The following FARP1 variants were observed in gnomAD, a reference collection of about 807,000 sequenced individuals.
The protein encoded by FARP1 is FERM, ARH/RhoGEF and pleckstrin domain protein 1.
A neutral mutation model predicts 128.8 loss-of-function variants in FARP1; 52 were observed. The observed-to-expected ratio is 0.40, with a 90% CI of 0.32 to 0.51. FARP1 has a LOEUF of 0.51. FARP1 is among the 20% of genes least tolerant of loss of function. The pLI is 0.45. For synonymous variants in FARP1, 580 were observed against 551.8 expected (o/e 1.05, Z -0.72); for missense variants, 1,333 against 1,367.9 (o/e 0.97, Z 0.40).
At chr13:98,167,079 A>G (rs1157973501) in intron 1 of FARP1, among the ~76,000 whole-genome samples, 1 of 152,120 alleles carries the variant, frequency 6.6e-6, no homozygotes, top group Non-Finnish European at 1.5e-5. Context: ...TTGTGGTTGA[A>G]TACATTTTCA....
chr13:98,403,756 CA>C (rs1264952842), intron 13 of FARP1: 1 of 152,200 alleles, frequency 6.6e-6, no homozygotes, highest in East Asian at 1.9e-4. Context: ...TCTCCAGTAA[CA>C]ATGAGCTTGG....
chr13:98,173,035 A>G, intron 1 of FARP1, among the ~76,000 whole-genome samples: 1 of 152,218 alleles, frequency 6.6e-6, no homozygotes, highest in Non-Finnish European at 1.5e-5. Context: ...TGCTTCATAA[A>G]TAATAGTAGT....
intron 1 of FARP1, among the ~76,000 whole-genome samples, chr13:98,168,180 A>AT (rs1877410154): frequency 6.6e-6 from 1 of 151,820 alleles, no homozygotes. Context: ...TCAAAAAAAA[A>AT]AAATAAAATA....
At chr13:98,162,452 A>G (rs1229709479) in intron 1 of FARP1, among the ~76,000 whole-genome samples, 1 of 152,160 alleles carries the variant, frequency 6.6e-6, no homozygotes, top group Non-Finnish European at 1.5e-5. Flanking sequence ...AGCTCGGGGC[A>G]TGGCCTGTAG....
At chr13:98,316,753 G>A (rs1387335061) in intron 2 of FARP1, among the ~76,000 whole-genome samples, 1 of 152,188 alleles carries the variant, frequency 6.6e-6, no homozygotes, top group Non-Finnish European at 1.5e-5. Flanking sequence ...AATGAGTCTT[G>A]TCCCCTTCAG....
chr13:98,454,116 A>G lies in FARP1; in HGVS notation c.*5799A>G, dbSNP rs191640855. 2.0e-5 allele frequency: 3 copies of G among 152,356 alleles called. No individual in the cohort carries two copies. The highest frequency in any genetic ancestry group is 7.2e-5 in the African/African-American group (3 of 41,574). The allele number at this position is 152,356 out of a possible 1,614,324, so 9.4% of individuals were successfully genotyped here. A position where few individuals can be genotyped will look rare whatever the true frequency, so the allele number is the denominator to read the frequency against. On this transcript the variant is annotated 3_prime_UTR_variant, in exon 27 of 27. Transcript: ENST00000319562. Reference sequence around the variant, plus strand: ...TGTATCCTAAATTAAGTACTATAGAAATTCTAAAAAATCTTCTTTGCACTA... The same window carrying G: ...TGTATCCTAAATTAAGTACTATAGAGATTCTAAAAAATCTTCTTTGCACTA...
At chr13:98,335,146 C>T (rs1255637985) in intron 2 of FARP1, among the ~76,000 whole-genome samples, 1 of 152,198 alleles carries the variant, frequency 6.6e-6, no homozygotes, top group Admixed American at 6.5e-5. Context: ...TTTGCTAGTT[C>T]CTCTAACATG....
chr13:98,200,387 ACCCCC>A (rs34861204), intron 1 of FARP1, among the ~76,000 whole-genome samples: 1 of 127,538 alleles, frequency 7.8e-6, no homozygotes, highest in African/African-American at 3.1e-5. Context: ...TGCAACCTTC[ACCCCC>A]CCCCCCTCCC....
intron 2 of FARP1, chr13:98,328,932 A>G (rs117901893): frequency 6.6e-5 from 10 of 152,196 alleles, no homozygotes; most frequent in Non-Finnish European, 1.5e-4. Context: ...AAAATTTTCT[A>G]TTTAAAATTG....
At chr13:98,170,767 C>G (rs1037519724) in intron 1 of FARP1, among the ~76,000 whole-genome samples, 1 of 152,188 alleles carries the variant, frequency 6.6e-6, no homozygotes, top group Admixed American at 6.5e-5. Flanking sequence ...GCTGGAATTA[C>G]AGGTGTGAGC....
At chr13:98,406,643 C>G (rs1566297656) in intron 13 of FARP1, 1 of 152,242 alleles carries the variant, frequency 6.6e-6, no homozygotes, top group African/African-American at 2.4e-5. Flanking sequence ...CCCCCAGCAG[C>G]CTGTGGGCTA....
rs534409567 is a variant in FARP1, at chr13:98,213,913, A to G, written c.171+500A>G. ...GCCACGTGTGTTTTCATGTGAGGGA[A>G]TCAGGAGAGCCTGTGCATGCAACCC... On this transcript the variant is annotated intron_variant, in intron 2 of 26. Coordinates refer to ENST00000319562, the MANE Select transcript of FARP1 (RefSeq NM_005766.4). Among the ~76,000 whole-genome samples, 6 of 152,258 alleles carry G rather than the reference A, an allele frequency of 3.9e-5. No individual in the cohort carries two copies. The South Asian group carries it at 1.2e-3, about 32-fold the overall frequency.
Position 98,278,294 on chromosome 13 carries a change from G to GT in FARP1, c.171+64882dup, listed in dbSNP as rs1353833851. ...ATATTTTGTGAATGTGTGTATGTAT[G>GT]TGTGTGTGTGTGAGAGTATACTGCA... On this transcript the variant is annotated intron_variant, in intron 2 of 26. Coordinates refer to ENST00000319562, the MANE Select transcript of FARP1 (RefSeq NM_005766.4). Among the ~76,000 whole-genome samples, 3 of 126,560 alleles carry GT rather than the reference G, an allele frequency of 2.4e-5. No individual in the cohort carries two copies. The East Asian group carries it at 5.8e-4, about 25-fold the overall frequency. The allele number at this position is 126,560 out of a possible 152,430, so 83.0% of individuals were successfully genotyped here. A position where few individuals can be genotyped will look rare whatever the true frequency, so the allele number is the denominator to read the frequency against.
intron 2 of FARP1, chr13:98,338,840 T>C (rs1416930153): frequency 1.3e-5 from 2 of 152,204 alleles, no homozygotes; most frequent in Admixed American, 1.3e-4. Context: ...AGAGAAATGA[T>C]GCTGCAAGCT....
intron 1 of FARP1, among the ~76,000 whole-genome samples, chr13:98,156,078 T>G (rs996225469): frequency 6.6e-6 from 1 of 152,220 alleles, no homozygotes; most frequent in Non-Finnish European, 1.5e-5. Flanking sequence ...CCTCCCATAT[T>G]TTAAAAATAA....
intron 2 of FARP1, among the ~76,000 whole-genome samples, chr13:98,306,200 G>C (rs768027407): frequency 4.6e-5 from 7 of 152,222 alleles, no homozygotes; most frequent in Non-Finnish European, 8.8e-5. Flanking sequence ...GTTGTTGGGA[G>C]ACTGGTGTGA....
intron 6 of FARP1, among the ~76,000 whole-genome samples, chr13:98,382,747 G>A (rs994275146): frequency 3.3e-5 from 5 of 151,292 alleles, no homozygotes; most frequent in African/African-American, 1.2e-4. Flanking sequence ...TTTTTTTCTC[G>A]TACTGTTAAT....
intron 19 of FARP1, among the ~76,000 whole-genome samples, chr13:98,437,078 T>G (rs74111056): frequency 0.012 from 1,817 of 152,302 alleles, 45 homozygotes; most frequent in African/African-American, 0.041. Flanking sequence ...AAATGAGATT[T>G]GCTCTGTGAA....
chr13:98,243,470 T>C (rs1882890464), intron 2 of FARP1, among the ~76,000 whole-genome samples: 1 of 150,394 alleles, frequency 6.6e-6, no homozygotes, highest in African/African-American at 2.5e-5. Flanking sequence ...CTGAGGGGGG[T>C]GGATCACGAG....
Sources: gnomAD v4.1 joint callset for allele counts (sites outside exome capture counted in the v4.1 genomes callset) on GRCh38, gnomAD v4.1.1 for gene constraint, MANE v1.5 for transcripts, NCBI Gene and HGNC (gene_info 2026-07-23, HGNC 2026-07-21) for gene names.